NTM: variants seen among roughly 807,000 people sequenced by gnomAD.
NTM encodes the protein IgLON family member 2.
A neutral mutation model predicts 42.1 loss-of-function variants in NTM; 13 were observed. That is an observed-to-expected ratio of 0.31 (90% CI 0.20 to 0.49). The LOEUF is 0.49. NTM is among the 20% of genes least tolerant of loss of function. The pLI, the probability that NTM is intolerant of heterozygous loss-of-function variation, is 0.99. For missense variants in NTM, 373 were observed against 452.8 expected, an observed-to-expected ratio of 0.82 and a Z score of 1.60; for synonymous variants, 187 against 179.2, an observed-to-expected ratio of 1.04 and a Z score of -0.35.
At chr11:131,465,950 G>A (rs868274697) in intron 1 of NTM, among the ~76,000 whole-genome samples, 1 of 152,252 alleles carries the variant, frequency 6.6e-6, no homozygotes, top group Non-Finnish European at 1.5e-5. Context: ...ATGACCACAA[G>A]GGGGCATGGC....
chr11:132,083,161 G>A (rs1396809023), intron 2 of NTM, among the ~76,000 whole-genome samples: 1 of 152,158 alleles, frequency 6.6e-6, no homozygotes, highest in African/African-American at 2.4e-5. Flanking sequence ...GTTGCAGCCA[G>A]ACATCACTGT....
chr11:131,787,646 A>T (rs549148563), intron 1 of NTM, among the ~76,000 whole-genome samples: 2 of 152,104 alleles, frequency 1.3e-5, no homozygotes, highest in Non-Finnish European at 2.9e-5. Context: ...GGCCTCCCAA[A>T]GTGCTGGGAT....
At chr11:131,903,475 T>G (rs1018130094) in intron 1 of NTM, among the ~76,000 whole-genome samples, 2 of 152,254 alleles carry the variant, frequency 1.3e-5, no homozygotes, top group Admixed American at 1.3e-4. Context: ...AAACCCTTTA[T>G]CAGAAGACTT....
At chr11:132,103,167 C>T (rs1234368408) in intron 2 of NTM, among the ~76,000 whole-genome samples, 1 of 152,214 alleles carries the variant, frequency 6.6e-6, no homozygotes, top group Non-Finnish European at 1.5e-5. Flanking sequence ...CAGGCAGCAC[C>T]TCCTCCTCAC....
At chr11:131,784,895 AAT>A (rs1210778342) in intron 1 of NTM, among the ~76,000 whole-genome samples, 1 of 152,136 alleles carries the variant, frequency 6.6e-6, no homozygotes, top group Non-Finnish European at 1.5e-5. Flanking sequence ...ACCTAATAAA[AAT>A]ATTTTTATAT....
intron 1 of NTM, among the ~76,000 whole-genome samples, chr11:131,484,463 TGGA>T (rs1953941427): frequency 1.3e-5 from 2 of 152,206 alleles, no homozygotes; most frequent in Admixed American, 6.5e-5. Flanking sequence ...CAACTTGAGC[TGGA>T]GGAGGACACA....
At chr11:132,085,835 G>T (rs1429411249) in intron 2 of NTM, among the ~76,000 whole-genome samples, 1 of 152,120 alleles carries the variant, frequency 6.6e-6, no homozygotes, top group Non-Finnish European at 1.5e-5. Context: ...CATGCTGTTT[G>T]TAGGCCCTGA....
intron 1 of NTM, among the ~76,000 whole-genome samples, chr11:131,794,014 G>A (rs2091265525): frequency 6.6e-6 from 1 of 152,190 alleles, no homozygotes; most frequent in Non-Finnish European, 1.5e-5. Flanking sequence ...CGAGACTGTG[G>A]GACAGATGGG....
chr11:131,938,510 G>C (rs1476421842), intron 2 of NTM, among the ~76,000 whole-genome samples: 2 of 152,250 alleles, frequency 1.3e-5, no homozygotes, highest in African/African-American at 2.4e-5. Flanking sequence ...CTTGTGCCAG[G>C]CCTTGCTGGC....
chr11:132,321,326 G>T (rs1048545730), intron 7 of NTM, among the ~76,000 whole-genome samples: 4 of 152,128 alleles, frequency 2.6e-5, no homozygotes, highest in African/African-American at 9.7e-5. Context: ...ACAGAGAAGT[G>T]CTTAAAGGAG....
At chr11:131,704,549 C>T (rs1592633954) in intron 1 of NTM, among the ~76,000 whole-genome samples, 4 of 152,290 alleles carry the variant, frequency 2.6e-5, no homozygotes, top group Middle Eastern at 3.4e-3. Context: ...AATGCAGACA[C>T]CAGTGCAAAG....
chr11:132,242,518 A>G (rs886876606), intron 4 of NTM, among the ~76,000 whole-genome samples: 1 of 152,240 alleles, frequency 6.6e-6, no homozygotes, highest in Non-Finnish European at 1.5e-5. Context: ...TTTTTCTTCT[A>G]TCCTGGTTAT....
intron 8 of NTM, among the ~76,000 whole-genome samples, chr11:132,334,737 C>A (rs1386300203): frequency 6.6e-6 from 1 of 151,958 alleles, no homozygotes; most frequent in Non-Finnish European, 1.5e-5. Flanking sequence ...CTGCCACCTT[C>A]TTCTTGAATT....
chr11:131,562,226 C>T (rs556640982), intron 1 of NTM, among the ~76,000 whole-genome samples: 242 of 152,064 alleles, frequency 1.6e-3, no homozygotes, highest in African/African-American at 5.7e-3. Flanking sequence ...ATTTCTCATC[C>T]GCAGTGGGGG....
At chr11:131,933,256 G>A (rs901965892) in intron 2 of NTM, among the ~76,000 whole-genome samples, 2 of 152,194 alleles carry the variant, frequency 1.3e-5, no homozygotes, top group African/African-American at 2.4e-5. Context: ...GGGCAGGGAG[G>A]TGGGTGCCTG....
intron 1 of NTM, among the ~76,000 whole-genome samples, chr11:131,895,522 GAAC>G (rs1337044860): frequency 1.3e-5 from 2 of 152,098 alleles, no homozygotes; most frequent in Non-Finnish European, 2.9e-5. Context: ...GTACAAAAAT[GAAC>G]AAGAAATGGC....
At chr11:132,053,917 T>A (rs1284319479) in intron 2 of NTM, among the ~76,000 whole-genome samples, 1 of 152,176 alleles carries the variant, frequency 6.6e-6, no homozygotes, top group Admixed American at 6.5e-5. Context: ...GATGTAGTGG[T>A]CACCCAATAA....
intron 1 of NTM, among the ~76,000 whole-genome samples, chr11:131,608,667 AT>A (rs1287650859): frequency 1.3e-5 from 2 of 149,658 alleles, no homozygotes; most frequent in Non-Finnish European, 3.0e-5. Context: ...CAGCCTATCA[AT>A]TATTCCTCGC....
chr11:131,938,375 A>G, intron 2 of NTM, among the ~76,000 whole-genome samples: 1 of 152,162 alleles, frequency 6.6e-6, no homozygotes, highest in East Asian at 1.9e-4. Flanking sequence ...GAAAACAAGT[A>G]TGAAGCTGTG....
Sources: gnomAD v4.1 joint callset for allele counts (sites outside exome capture counted in the v4.1 genomes callset) on GRCh38, gnomAD v4.1.1 for gene constraint, MANE v1.5 for transcripts, NCBI Gene and HGNC (gene_info 2026-07-23, HGNC 2026-07-21) for gene names.